The following YTHDF2 variants were observed in gnomAD, a reference collection of about 807,000 sequenced individuals.
The protein encoded by YTHDF2 is YTH N6-methyladenosine RNA binding protein F2, also known as YTH domain-containing family protein 2.
YTHDF2 carries 2 observed loss-of-function variants against 50.4 expected under a neutral mutation model. That is an observed-to-expected ratio of 0.04 (90% CI 0.02 to 0.12). The LOEUF (loss-of-function observed/expected upper bound fraction) is 0.12. Among genes scored for constraint, YTHDF2 ranks in the 10% least tolerant of loss-of-function variants. The pLI, the probability that YTHDF2 is intolerant of heterozygous loss-of-function variation, is 1.00. For synonymous variants in YTHDF2, 217 were observed against 255.6 expected, an observed-to-expected ratio of 0.85 and a Z score of 1.44; for missense variants, 483 against 722.6, an observed-to-expected ratio of 0.67 and a Z score of 3.80.
intron 4 of YTHDF2, among the ~76,000 whole-genome samples, chr1:28,748,375 T>C (rs1410554825): frequency 2.0e-5 from 3 of 152,170 alleles, no homozygotes; most frequent in Non-Finnish European, 4.4e-5. Context: ...GGTGAAGTGT[T>C]TGTGTGTGTA....
intron 4 of YTHDF2, among the ~76,000 whole-genome samples, chr1:28,749,306 C>T (rs1015304542): frequency 1.1e-4 from 17 of 151,788 alleles, no homozygotes; most frequent in African/African-American, 3.9e-4. Flanking sequence ...ATTCTCCTGC[C>T]TCAGCCTCTC....
intron 4 of YTHDF2, among the ~76,000 whole-genome samples, chr1:28,761,128 TGTA>T (rs200404063): frequency 1.7e-4 from 9 of 51,440 alleles, no homozygotes; most frequent in Admixed American, 5.8e-4. Context: ...TGTGTGTGTG[TGTA>T]TTTTTTTTTT....
rs548067593 is a variant in YTHDF2 at position 28,756,966 on chromosome 1, A to G, written c.1717-11963A>G. Among the ~76,000 whole-genome samples the G allele has an allele frequency of 3.3e-3, 507 of 152,328 alleles. 4 individuals carry two copies. The highest frequency in any genetic ancestry group is 0.012 in the African/African-American group (486 of 41,578). On this transcript the variant is annotated intron_variant, in intron 4 of 4. Transcript: ENST00000373812. Reference sequence around the variant, plus strand: ...ATCCTGTAAGTCTGCACAATGAGCAAGGAAAAAGTGGCAGCTCAGATCGTT... The same window carrying G: ...ATCCTGTAAGTCTGCACAATGAGCAGGGAAAAAGTGGCAGCTCAGATCGTT...
At chr1:28,738,568 C>G (rs372389387) in intron 3 of YTHDF2, among the ~76,000 whole-genome samples, 1 of 152,290 alleles carries the variant, frequency 6.6e-6, no homozygotes, top group East Asian at 1.9e-4. Flanking sequence ...TCTCAGCCTC[C>G]CGAGTAGGTG....
At chr1:28,749,862 G>C (rs1214248173) in intron 4 of YTHDF2, among the ~76,000 whole-genome samples, 2 of 151,814 alleles carry the variant, frequency 1.3e-5, no homozygotes, top group Non-Finnish European at 2.9e-5. Context: ...AAGTGTGATT[G>C]TGGTGGCAAC....
chr1:28,741,155 G>A (rs2087770017), intron 3 of YTHDF2, among the ~76,000 whole-genome samples: 1 of 151,824 alleles, frequency 6.6e-6, no homozygotes, highest in African/African-American at 2.4e-5. Context: ...GTGCCACCAC[G>A]CCTGGCTAAT....
chr1:28,739,544 C>T (rs1472143542), intron 3 of YTHDF2, among the ~76,000 whole-genome samples: 2 of 151,642 alleles, frequency 1.3e-5, no homozygotes, highest in Non-Finnish European at 2.9e-5. Context: ...AAGAGGTCCG[C>T]CCTCCTCGAC....
In YTHDF2 at chr1:28,742,813, C is replaced by T. The variant is rs368017679; in HGVS notation, c.543C>T (p.Gly181=). 1.4e-5 allele frequency: 22 copies of T among 1,614,008 alleles called. No individual in the cohort carries two copies. The African/African-American group carries it at 2.4e-4, about 18-fold the overall frequency. Residue 181 remains glycine, a synonymous_variant, in exon 4 of 5, where the codon GGC becomes GGT. Coordinates refer to ENST00000373812, the MANE Select transcript of YTHDF2 (RefSeq NM_016258.3). The part of the protein sequence containing the change: ...FANETLNKAP[G]MNTIDQGMAA... ...ATGAGACCCTCAATAAGGCTCCTGG[C>T]ATGAATACTATAGACCAAGGGATGG...
intron 1 of YTHDF2, 160 bp from the exon 2 acceptor site, chr1:28,737,496 TCC>T: frequency 1.0e-6 from 1 of 986,376 alleles, no homozygotes; most frequent in Non-Finnish European, 1.5e-6. Context: ...CCTGGCGCTT[TCC>T]CCCGCCTCCC....
intron 3 of YTHDF2, among the ~76,000 whole-genome samples, chr1:28,741,912 G>A (rs1051037189): frequency 1.3e-5 from 2 of 152,152 alleles, no homozygotes; most frequent in African/African-American, 4.8e-5. Flanking sequence ...CTTAGTTGTA[G>A]TGCTAAAGCT....
intron 4 of YTHDF2, among the ~76,000 whole-genome samples, chr1:28,756,320 T>A (rs988130363): frequency 2.0e-5 from 3 of 152,216 alleles, no homozygotes; most frequent in African/African-American, 7.2e-5. Context: ...CTTAAACATT[T>A]GTGGGACAAG....
intron 4 of YTHDF2, among the ~76,000 whole-genome samples, chr1:28,753,446 G>T (rs2087988639): frequency 6.8e-6 from 1 of 148,074 alleles, no homozygotes; most frequent in Non-Finnish European, 1.5e-5. Flanking sequence ...TGCTCAGGAG[G>T]CTGAGACAGG....
At chr1:28,745,318 T>C (rs2124172901) in intron 4 of YTHDF2, among the ~76,000 whole-genome samples, 1 of 152,338 alleles carries the variant, frequency 6.6e-6, no homozygotes, top group East Asian at 1.9e-4. Context: ...GTTACACTTG[T>C]CAGTGACACT....
chr1:28,757,752 A>G (rs1315632887), intron 4 of YTHDF2, among the ~76,000 whole-genome samples: 1 of 152,168 alleles, frequency 6.6e-6, no homozygotes, highest in African/African-American at 2.4e-5. Context: ...AATCACCTGT[A>G]ATTCCTGTAC....
intron 4 of YTHDF2, among the ~76,000 whole-genome samples, chr1:28,766,135 C>T (rs767986478): frequency 3.3e-5 from 5 of 152,162 alleles, no homozygotes; most frequent in Non-Finnish European, 4.4e-5. Flanking sequence ...GATAGGGTCT[C>T]ATTCTGTTGC....
chr1:28,744,011 T>G, intron 4 of YTHDF2, 25 bp downstream of exon 4: 1 of 1,517,190 alleles, frequency 6.6e-7, no homozygotes, highest in Non-Finnish European at 8.8e-7. Context: ...CTTATTAAGA[T>G]TTTTAGGGAA....
intron 4 of YTHDF2, among the ~76,000 whole-genome samples, chr1:28,768,394 G>GTT (rs536124946): frequency 2.1e-5 from 3 of 145,054 alleles, no homozygotes; most frequent in Non-Finnish European, 1.5e-5. Flanking sequence ...GTGTGGGTTT[G>GTT]TTTTTTTTTT....
intron 3 of YTHDF2, chr1:28,740,389 T>G (rs1283148333): frequency 6.6e-6 from 1 of 152,252 alleles, no homozygotes; most frequent in Non-Finnish European, 1.5e-5. Context: ...ATTTGATTTT[T>G]CTTTCTCAGG....
At chr1:28,757,235 T>C (rs1163616776) in intron 4 of YTHDF2, among the ~76,000 whole-genome samples, 1 of 152,180 alleles carries the variant, frequency 6.6e-6, no homozygotes, top group African/African-American at 2.4e-5. Context: ...AAGTACTAAT[T>C]GACAGTGTGA....
Sources: gnomAD v4.1 joint callset for allele counts (sites outside exome capture counted in the v4.1 genomes callset) on GRCh38, gnomAD v4.1.1 for gene constraint, MANE v1.5 for transcripts, NCBI Gene and HGNC (gene_info 2026-07-23, HGNC 2026-07-21) for gene names.